The following SLC36A1 variants were observed in gnomAD, a reference collection of about 807,000 sequenced individuals.
SLC36A1 encodes the protein solute carrier family 36 member 1.
In SLC36A1, 30 loss-of-function variants were observed where a neutral mutation model predicts 47.5. The observed-to-expected ratio is 0.63, with a 90% CI of 0.47 to 0.86. The LOEUF is 0.86. Among genes scored for constraint, SLC36A1 ranks in the 40% least tolerant of loss-of-function variants. The pLI is 0.00. For synonymous variants in SLC36A1, 255 were observed against 249.7 expected (o/e 1.02, Z -0.20); for missense variants, 517 against 606.0 (o/e 0.85, Z 1.54).
chr5:151,529,269 G>A, the SLC36A1 span: 1 of 1,614,010 alleles, frequency 6.2e-7, no homozygotes, highest in African/African-American at 1.3e-5. Context: ...ATTGACATCA[G>A]TGATGTTGAC....
chr5:151,545,435 C>T, the SLC36A1 span: 3 of 1,614,144 alleles, frequency 1.9e-6, no homozygotes, highest in Non-Finnish European at 2.5e-6. Flanking sequence ...GAGTCTTCAT[C>T]GCTGGCCCGC....
the SLC36A1 span, among the ~76,000 whole-genome samples, chr5:151,416,952 G>A: frequency 8.3e-4 from 126 of 152,242 alleles, no homozygotes; most frequent in Non-Finnish European, 1.6e-3. Context: ...TCCCCCCTTC[G>A]CTTAGCACTT....
At chr5:151,525,869 C>A in the SLC36A1 span, 1 of 1,614,098 alleles carries the variant, frequency 6.2e-7, no homozygotes, top group Non-Finnish European at 8.5e-7. Flanking sequence ...CCGTTGTTCC[C>A]CTTGGTGATT....
At chr5:151,420,878 CT>C in the SLC36A1 span, among the ~76,000 whole-genome samples, 154 of 143,776 alleles carry the variant, frequency 1.1e-3, no homozygotes, top group Admixed American at 1.2e-3. Flanking sequence ...CTCTTTCTTT[CT>C]TTTTTTTTTT....
At chr5:151,537,522 C>A in the SLC36A1 span, among the ~76,000 whole-genome samples, 1 of 151,794 alleles carries the variant, frequency 6.6e-6, no homozygotes, top group Non-Finnish European at 1.5e-5. Flanking sequence ...TAAAATAAAT[C>A]CCCTTAGCAT....
At chr5:151,423,625 G>A in the SLC36A1 span, among the ~76,000 whole-genome samples, 1 of 152,214 alleles carries the variant, frequency 6.6e-6, no homozygotes, top group African/African-American at 2.4e-5. Context: ...TGGTGGCCAG[G>A]GGTTGTGGGA....
At chr5:151,347,401 A>G in the SLC36A1 span, 1 of 1,614,084 alleles carries the variant, frequency 6.2e-7, no homozygotes, top group African/African-American at 1.3e-5. Context: ...GAGGCGACAT[A>G]AGGTCCAATT....
chr5:151,474,863 A>G (rs1757827026), intron 8 of SLC36A1, among the ~76,000 whole-genome samples: 1 of 152,250 alleles, frequency 6.6e-6, no homozygotes, highest in Non-Finnish European at 1.5e-5. Context: ...TCCTCCCGGC[A>G]CGGCACTTCT....
In SLC36A1 at chr5:151,464,610, C is replaced by A; in HGVS notation, c.323+8C>A. The A allele has an allele frequency of 6.2e-7, 1 of 1,612,644 alleles. No individual in the cohort carries two copies. ...TCACCACTTCTGCCGCAGGTGAGAG[C>A]CCTCTGAGCCACCTCTCAAGTGACA... On this transcript the variant is annotated splice_region_variant and intron_variant, in intron 4 of 10. Transcript: ENST00000243389.
At chr5:151,512,541 G>C in the SLC36A1 span, 1 of 1,614,160 alleles carries the variant, frequency 6.2e-7, no homozygotes. The surrounding 1 kb of genome is among the most constrained non-coding windows in gnomAD (Gnocchi z 4.1). Context: ...CATGGCGCTG[G>C]GAGGAAAGGT....
chr5:151,428,094 C>T, the SLC36A1 span, among the ~76,000 whole-genome samples: 3 of 152,262 alleles, frequency 2.0e-5, no homozygotes, highest in Non-Finnish European at 4.4e-5. Context: ...CTCTCCCTGG[C>T]GGCAACTCCA....
At chr5:151,393,802 G>A in the SLC36A1 span, among the ~76,000 whole-genome samples, 2 of 152,162 alleles carry the variant, frequency 1.3e-5, no homozygotes, top group Admixed American at 6.6e-5. Flanking sequence ...CCCTTTGTGG[G>A]TAACCCGACC....
At chr5:151,468,267 A>ATATATATATATATATATATATATTT (rs1756804773) in intron 7 of SLC36A1, among the ~76,000 whole-genome samples, 8 of 50,782 alleles carry the variant, frequency 1.6e-4, no homozygotes, top group African/African-American at 7.8e-4. Context: ...AAAAAAAAAA[A>ATATATATATATATATATATATATTT]TATATATATA....
At chr5:151,530,173 T>A in the SLC36A1 span, among the ~76,000 whole-genome samples, 1 of 151,740 alleles carries the variant, frequency 6.6e-6, no homozygotes, top group Non-Finnish European at 1.5e-5. Context: ...TGGCCTTATA[T>A]ACCCAAATTA....
At chr5:151,501,188 G>C in the SLC36A1 span, among the ~76,000 whole-genome samples, 12 of 152,296 alleles carry the variant, frequency 7.9e-5, no homozygotes, top group East Asian at 2.3e-3. Context: ...TCCCAAAGAC[G>C]AAGAGGGGGC....
At chr5:151,418,204 C>A in the SLC36A1 span, among the ~76,000 whole-genome samples, 1 of 152,352 alleles carries the variant, frequency 6.6e-6, no homozygotes, top group African/African-American at 2.4e-5. Context: ...TGGAGAACCT[C>A]TGCTAGGGCA....
At chr5:151,422,857 G>T in the SLC36A1 span, among the ~76,000 whole-genome samples, 6 of 152,080 alleles carry the variant, frequency 3.9e-5, no homozygotes, top group African/African-American at 7.2e-5. Flanking sequence ...CAGGAGAATC[G>T]CTTGAACAAG....
chr5:151,404,161 T>C, the SLC36A1 span, among the ~76,000 whole-genome samples: 1 of 152,234 alleles, frequency 6.6e-6, no homozygotes, highest in African/African-American at 2.4e-5. Flanking sequence ...TTTATCATTA[T>C]GTAATTCTCT....
At chr5:151,537,232 G>A in the SLC36A1 span, among the ~76,000 whole-genome samples, 1 of 150,762 alleles carries the variant, frequency 6.6e-6, no homozygotes, top group Admixed American at 6.6e-5. Context: ...AGGAGGAGGA[G>A]GAAGAAGAAG....
Sources: allele counts gnomAD v4.1 joint callset (sites outside exome capture counted in the v4.1 genomes callset), GRCh38; gene constraint gnomAD v4.1.1; non-coding constraint Gnocchi (gnomAD v3.1); transcripts MANE v1.5; gene names NCBI Gene and HGNC (gene_info 2026-07-23, HGNC 2026-07-21).